Variants in CHST13 observed in about 807,000 individuals in gnomAD.
CHST13 encodes the protein C4ST-3.
In CHST13, 1 loss-of-function variant was observed where a neutral mutation model predicts 7.0. That is an observed-to-expected ratio of 0.14 (90% CI 0.05 to 0.68). The LOEUF (loss-of-function observed/expected upper bound fraction) is 0.68. Among genes scored for constraint, CHST13 ranks in the 30% least tolerant of loss-of-function variants. CHST13 has a pLI of 0.82. For synonymous variants in CHST13, 257 were observed against 240.9 expected (o/e 1.07, Z -0.62); for missense variants, 572 against 507.9 (o/e 1.13, Z -1.21).
intron 2 of CHST13, 56 bp from the exon 3 acceptor site, chr3:126,541,677 C>G: frequency 7.3e-7 from 1 of 1,371,374 alleles, no homozygotes; most frequent in South Asian, 1.6e-5. Flanking sequence ...GCGCCAGAGT[C>G]AGGGAGCCCG....
rs1303652119 is a variant in CHST13, at chr3:126,542,563, C to T, written c.1011C>T (p.Tyr337=). Residue 337 remains tyrosine (Y), a synonymous_variant, in exon 3 of 3, where the codon TAC becomes TAT. Coordinates refer to ENST00000319340, the MANE Select transcript of CHST13 (RefSeq NM_152889.3). ...FLLFNYSAPS[Y]LRLL is the part of the protein sequence containing the mutation. ...TTTTCAACTACTCCGCCCCCTCCTA[C>T]CTGCGGCTGCTCTAGCGGTCCTGGA... The T allele has an allele frequency of 2.0e-6, 3 of 1,497,870 alleles. No homozygotes were observed. Among genetic ancestry groups the T allele is most frequent in the Non-Finnish European group, 1.8e-6 (2 of 1,127,336 alleles). The allele number at this position is 1,497,870 out of a possible 1,614,324, so 92.8% of individuals were successfully genotyped here. A position where few individuals can be genotyped will look rare whatever the true frequency, so the allele number is the denominator to read the frequency against.
intron 1 of CHST13, among the ~76,000 whole-genome samples, chr3:126,530,582 C>T (rs1022945388): frequency 2.0e-5 from 3 of 152,254 alleles, no homozygotes; most frequent in African/African-American, 7.2e-5. Flanking sequence ...GCCTGGCCTC[C>T]TCTCATGGGT....
At chr3:126,540,101 GACAC>G (rs1259736003) in intron 2 of CHST13, among the ~76,000 whole-genome samples, 1 of 150,922 alleles carries the variant, frequency 6.6e-6, no homozygotes, top group Admixed American at 6.6e-5. Context: ...ACACGCACAG[GACAC>G]ACACGCATTC....
At chr3:126,530,874 G>C (rs1936643046) in intron 1 of CHST13, among the ~76,000 whole-genome samples, 1 of 152,248 alleles carries the variant, frequency 6.6e-6, no homozygotes, top group Admixed American at 6.5e-5. Context: ...GCATGCCCTG[G>C]CCACTGGAGT....
Position 126,541,761 on chromosome 3 carries a change from A to T in CHST13, c.209A>T (p.His70Leu). Residue 70 changes from histidine (H) to leucine (L), a missense_variant, in exon 3 of 3, where the codon CAC becomes CTC. His to Leu is a moderately conservative substitution (Grantham distance 99). Transcript: ENST00000319340. ...CCGCGCTCGACCCTGGCGAAGGTGC[A>T]CCGGCAGCGGCGCGACCTGCTGAAC... Reference protein sequence around the residue: ...QDPRSTLAKVHRQRRDLLNSA... With the variant: ...QDPRSTLAKVLRQRRDLLNSA... The T allele has an allele frequency of 6.6e-7, 1 of 1,509,992 alleles. No individual in the cohort carries two copies. 93.5% of individuals were successfully genotyped at this position (1,509,992 alleles called of 1,614,324 possible). A position where few individuals can be genotyped will look rare whatever the true frequency, so the allele number is the denominator to read the frequency against.
chr3:126,539,803 CACCACACACCACAAACACACAT>C (rs1936900360), intron 2 of CHST13, among the ~76,000 whole-genome samples: 1 of 91,838 alleles, frequency 1.1e-5, no homozygotes, highest in Admixed American at 1.1e-4. Flanking sequence ...ACAGACACCA[CACCACACACCACAAACACACAT>C]ACCACACACA....
chr3:126,532,891 C>T (rs1178515402), intron 1 of CHST13, among the ~76,000 whole-genome samples: 1 of 152,204 alleles, frequency 6.6e-6, no homozygotes, highest in Non-Finnish European at 1.5e-5. Flanking sequence ...GTATTCCAAT[C>T]CACAAACCTG....
chr3:126,537,422 C>A (rs557706938), intron 2 of CHST13, among the ~76,000 whole-genome samples: 1 of 152,342 alleles, frequency 6.6e-6, no homozygotes, highest in Admixed American at 6.5e-5. Flanking sequence ...CAGATTTTCA[C>A]CCTTGGGGTA....
chr3:126,524,408 G>T lies in CHST13; in HGVS notation c.76G>T (p.Ala26Ser). 1 of 1,200,626 alleles carries T rather than the reference G, an allele frequency of 8.3e-7. No individual in the cohort carries two copies. The highest frequency in any genetic ancestry group is 1.0e-6 in the Non-Finnish European group (1 of 960,226). The allele number at this position is 1,200,626 out of a possible 1,614,324, so 74.4% of individuals were successfully genotyped here. A position where few individuals can be genotyped will look rare whatever the true frequency, so the allele number is the denominator to read the frequency against. Residue 26 changes from alanine (A) to serine (S), a missense_variant, in exon 1 of 3, where the codon GCG (alanine) becomes TCG (serine). Physicochemically the swap from Ala to Ser is moderately conservative, Grantham distance 99 (BLOSUM62 1). Coordinates refer to ENST00000319340, the MANE Select transcript of CHST13 (RefSeq NM_152889.3). ...CGCCGCGCTCCTGCTCCTATGCGCC[G>T]CGCCCCGCTCCCTGCGCCCGGGTGA... Reference protein sequence around the residue: ...LGAALLLLCAAPRSLRPAFGN... With the variant: ...LGAALLLLCASPRSLRPAFGN...
intron 1 of CHST13, among the ~76,000 whole-genome samples, chr3:126,525,993 C>T (rs753375939): frequency 3.3e-5 from 5 of 152,282 alleles, no homozygotes; most frequent in East Asian, 1.9e-4. Flanking sequence ...CCAGCCTCTG[C>T]GCAGGCTGGG....
chr3:126,540,238 A>C (rs1456970831), intron 2 of CHST13, among the ~76,000 whole-genome samples: 2 of 152,116 alleles, frequency 1.3e-5, no homozygotes, highest in African/African-American at 4.8e-5. Flanking sequence ...GAACTCACAT[A>C]CCATACAACT....
rs963741993 is a variant in CHST13, at chr3:126,541,797, G to T, written c.245G>T (p.Ser82Ile). ...QRRDLLNSAC[S>I]RHSRRQRLLQ... ...CGCGACCTGCTGAACAGCGCCTGTA[G>T]CCGCCACTCACGCCGGCAGCGCCTG... Residue 82 changes from serine to isoleucine, a missense_variant, in exon 3 of 3, where the codon AGC becomes ATC. Transcript: ENST00000319340. The T allele has an allele frequency of 1.9e-6, 3 of 1,545,986 alleles. No homozygotes were observed. Among genetic ancestry groups the T allele is most frequent in the African/African-American group, 2.8e-5 (2 of 71,994 alleles).
intron 1 of CHST13, among the ~76,000 whole-genome samples, chr3:126,530,382 C>T (rs1441682841): frequency 6.6e-6 from 1 of 152,254 alleles, no homozygotes; most frequent in African/African-American, 2.4e-5. Context: ...GCTGGCGTTT[C>T]CGGAAGGCTG....
At position 126,531,766 on chromosome 3, in the gene CHST13, G is replaced by A. The variant is rs75884522; in HGVS notation, c.98-4505G>A. Among the ~76,000 whole-genome samples, 734 of 152,294 alleles carry A rather than the reference G, an allele frequency of 4.8e-3. 5 individuals are homozygous for A. The highest frequency in any genetic ancestry group is 0.017 in the African/African-American group (712 of 41,546). On this transcript the variant is annotated intron_variant, in intron 1 of 2. Transcript: ENST00000319340. ...GGGGCTATCATGAATAATGCTGATG[G>A]GAACATTTGTGAACAAGTTTTTGTG...
chr3:126,541,515 C>A (rs980288798), intron 2 of CHST13, among the ~76,000 whole-genome samples: 9 of 152,348 alleles, frequency 5.9e-5, no homozygotes, highest in Admixed American at 5.9e-4. Context: ...CTCCCAGCCT[C>A]AGCAAAGTCA....
intron 2 of CHST13, among the ~76,000 whole-genome samples, chr3:126,540,546 T>G (rs1023016174): frequency 1.8e-4 from 27 of 152,252 alleles, no homozygotes; most frequent in African/African-American, 6.5e-4. Context: ...TCAGCCCATG[T>G]GGCAGCATGT....
Position 126,542,160 on chromosome 3 carries a change from G to T in CHST13, c.608G>T (p.Arg203Leu), listed in dbSNP as rs773063481. Residue 203 changes from arginine (R) to leucine (L), a missense_variant, in exon 3 of 3, where the codon CGC becomes CTC. By Grantham distance (102) the Arg-to-Leu change is moderately radical (BLOSUM62 -2). Transcript: ENST00000319340. ...GCCTTCCAGAGGCGCTACGGTGCAC[G>T]CATCGTTCAGCGCCTGCGGCCGCGC... ...SAAFQRRYGA[R>L]IVQRLRPRAL... 83 of 1,514,638 alleles carry T rather than the reference G, an allele frequency of 5.5e-5. 1 individual carries two copies. The highest frequency in any genetic ancestry group is 6.2e-5 in the Non-Finnish European group (71 of 1,138,604). 93.8% of individuals were successfully genotyped at this position (1,514,638 alleles called of 1,614,324 possible).
Position 126,524,253 on chromosome 3 carries a change from C to A in CHST13, c.-80C>A. ...CGCGTCTTGGTAGGCGCTGCGCTGCCGGGGCCGGGTCCTGGGCCAGTGCAA... is the reference window on the plus strand; with the variant it reads ...CGCGTCTTGGTAGGCGCTGCGCTGCAGGGGCCGGGTCCTGGGCCAGTGCAA... On this transcript the variant is annotated 5_prime_UTR_variant, in exon 1 of 3. Transcript: ENST00000319340. 9.0e-7 allele frequency: 1 copy of A among 1,112,800 alleles called. No individual in the cohort carries two copies. The highest frequency in any genetic ancestry group is 1.1e-6 in the Non-Finnish European group (1 of 888,650). The allele number at this position is 1,112,800 out of a possible 1,614,324, so 68.9% of individuals were successfully genotyped here.
intron 1 of CHST13, chr3:126,529,001 C>T: frequency 8.9e-6 from 3 of 337,456 alleles, no homozygotes; most frequent in South Asian, 4.4e-5. Context: ...GCCTGGCTGC[C>T]CTGCTTATCT....
Sources: allele counts gnomAD v4.1 joint callset (sites outside exome capture counted in the v4.1 genomes callset), GRCh38; gene constraint gnomAD v4.1.1; transcripts MANE v1.5; gene names NCBI Gene and HGNC (gene_info 2026-07-23, HGNC 2026-07-21).